The following CAMTA1 variants were observed in gnomAD, a reference collection of about 807,000 sequenced individuals.
CAMTA1 encodes calmodulin-binding transcription activator 1.
A neutral mutation model predicts 170.9 loss-of-function variants in CAMTA1; 27 were observed. That is an observed-to-expected ratio of 0.16 (90% CI 0.12 to 0.22). The LOEUF (loss-of-function observed/expected upper bound fraction) is 0.22. Among genes scored for constraint, CAMTA1 ranks in the 10% least tolerant of loss-of-function variants. CAMTA1 has a pLI of 1.00. For synonymous variants in CAMTA1, 833 were observed against 891.5 expected, an observed-to-expected ratio of 0.93 and a Z score of 1.17; for missense variants, 1,619 against 2,217.2, an observed-to-expected ratio of 0.73 and a Z score of 5.42.
chr1:6,825,979 G>C (rs914375346), intron 3 of CAMTA1, among the ~76,000 whole-genome samples: 3 of 152,132 alleles, frequency 2.0e-5, no homozygotes, highest in Non-Finnish European at 4.4e-5. Flanking sequence ...AGATGGCTGG[G>C]GTTGCTGGTT....
intron 4 of CAMTA1, among the ~76,000 whole-genome samples, chr1:7,143,832 T>G (rs1386730950): frequency 6.6e-6 from 1 of 152,256 alleles, no homozygotes; most frequent in Non-Finnish European, 1.5e-5. Flanking sequence ...TGAACGCATA[T>G]AAAGTCATAT....
At position 7,248,160 on chromosome 1, in the gene CAMTA1, C is replaced by T. The variant is rs908738341; in HGVS notation, c.303-1331C>T. Among the ~76,000 whole-genome samples, 3 of 152,088 alleles carry T rather than the reference C, an allele frequency of 2.0e-5. No individual in the cohort carries two copies. The highest frequency in any genetic ancestry group is 4.4e-5 in the Non-Finnish European group (3 of 68,014). ...CCCTGGTGGGACTGTTTTTTTCCCCCCAGACAATAGAATATGAAGCCATCA... is the reference window on the plus strand; with the variant it reads ...CCCTGGTGGGACTGTTTTTTTCCCCTCAGACAATAGAATATGAAGCCATCA... On this transcript the variant is annotated intron_variant, in intron 4 of 22. Coordinates refer to ENST00000303635, the MANE Select transcript of CAMTA1 (RefSeq NM_015215.4). The surrounding 1 kb of genome is among the most constrained non-coding windows in gnomAD (Gnocchi z 4.0).
intron 3 of CAMTA1, among the ~76,000 whole-genome samples, chr1:6,897,254 T>C (rs1675839648): frequency 6.6e-6 from 1 of 152,080 alleles, no homozygotes; most frequent in Non-Finnish European, 1.5e-5. Flanking sequence ...GGTGGGAAGA[T>C]GGGGGTGGAA....
chr1:7,558,783 A>G (rs2150239205), intron 6 of CAMTA1, among the ~76,000 whole-genome samples: 1 of 152,404 alleles, frequency 6.6e-6, no homozygotes, highest in East Asian at 1.9e-4. Context: ...CGAGGCTGTC[A>G]GAATTAAAGA....
chr1:7,745,465 A>G (rs1189033061), intron 17 of CAMTA1, among the ~76,000 whole-genome samples: 1 of 152,116 alleles, frequency 6.6e-6, no homozygotes, highest in Non-Finnish European at 1.5e-5. Context: ...GGCGGAGGTT[A>G]CAATCAGCTG....
rs1191763001 is a variant in CAMTA1, at chr1:6,887,612, A to G, written c.234+62402A>G. The G allele has an allele frequency of 6.5e-7, 1 of 1,530,274 alleles. No individual in the cohort carries two copies. The allele number at this position is 1,530,274 out of a possible 1,614,324, so 94.8% of individuals were successfully genotyped here. On this transcript the variant is annotated intron_variant, in intron 3 of 22. Transcript: ENST00000303635. This position sits in a 1 kb window ranked among gnomAD's most constrained non-coding sequence, Gnocchi z 4.1. Reference sequence around the variant, plus strand: ...TTTTTCTTCAGTTAAAAACAGAAATAGAAGCGACGGTTTTGACCCATTTTA... The same window carrying G: ...TTTTTCTTCAGTTAAAAACAGAAATGGAAGCGACGGTTTTGACCCATTTTA...
At chr1:7,487,868 G>A (rs575398401) in intron 6 of CAMTA1, among the ~76,000 whole-genome samples, 1 of 152,236 alleles carries the variant, frequency 6.6e-6, no homozygotes, top group South Asian at 2.1e-4. Context: ...TGTTTCTGCT[G>A]AGCCCCTCGG....
At position 7,041,936 on chromosome 1, in the gene CAMTA1, C is replaced by G. The variant is rs1704528605; in HGVS notation, c.235-49368C>G. On this transcript the variant is annotated intron_variant, in intron 3 of 22. Coordinates refer to ENST00000303635, the MANE Select transcript of CAMTA1 (RefSeq NM_015215.4). This position sits in a 1 kb window ranked among gnomAD's most constrained non-coding sequence, Gnocchi z 5.1. The stretch of plus-strand genomic sequence containing the variant: ...GTGCAGGGGTTAACGTCTGAATGCT[C>G]TGATCTGGAAGCTTCTAGAAGCTCC... Among the ~76,000 whole-genome samples the G allele has an allele frequency of 6.6e-6, 1 of 152,176 alleles. No individual in the cohort carries two copies. The highest frequency in any genetic ancestry group is 1.5e-5 in the Non-Finnish European group (1 of 68,028).
At chr1:7,497,722 G>A (rs2149750129) in intron 6 of CAMTA1, among the ~76,000 whole-genome samples, 1 of 152,340 alleles carries the variant, frequency 6.6e-6, no homozygotes, top group African/African-American at 2.4e-5. Context: ...TCAGGGCCCA[G>A]AAGAGAATAT....
At position 7,580,304 on chromosome 1, in the gene CAMTA1, G is replaced by A. The variant is rs2095248628; in HGVS notation, c.511-60096G>A. ...ATCTGGACCGTGGGAGCTGTTGGGG[G>A]GAATGGGGGCAGGTGGAGAAGAGGA... is the stretch of plus-strand genomic sequence containing the variant. On this transcript the variant is annotated intron_variant, in intron 6 of 22. Transcript: ENST00000303635. This position sits in a 1 kb window ranked among gnomAD's most constrained non-coding sequence, Gnocchi z 4.3. Among the ~76,000 whole-genome samples, 1 of 152,158 alleles carries A rather than the reference G, an allele frequency of 6.6e-6. No individual in the cohort carries two copies. Among genetic ancestry groups the A allele is most frequent in the African/African-American group, 2.4e-5 (1 of 41,410 alleles).
intron 4 of CAMTA1, among the ~76,000 whole-genome samples, chr1:7,142,723 A>T (rs1484973683): frequency 6.6e-6 from 1 of 152,190 alleles, no homozygotes; most frequent in Non-Finnish European, 1.5e-5. Context: ...AGCATTCATC[A>T]TGAATGGGAG....
At chr1:7,000,980 C>T (rs1022682621) in intron 3 of CAMTA1, among the ~76,000 whole-genome samples, 4 of 152,112 alleles carry the variant, frequency 2.6e-5, no homozygotes, top group Admixed American at 6.6e-5. Flanking sequence ...GTTCCCACAC[C>T]GATAGGAAAA....
intron 5 of CAMTA1, among the ~76,000 whole-genome samples, chr1:7,330,788 C>G (rs1458441393): frequency 6.6e-6 from 1 of 152,154 alleles, no homozygotes; most frequent in East Asian, 1.9e-4. Flanking sequence ...CTCTTTGATG[C>G]AGGGAATGGA....
chr1:7,572,652 G>A (rs968428707), intron 6 of CAMTA1, among the ~76,000 whole-genome samples: 3 of 152,130 alleles, frequency 2.0e-5, no homozygotes, highest in East Asian at 3.9e-4. Context: ...ATGGTTGTAG[G>A]TGTGAGGCAT....
At chr1:7,663,166 G>C (rs1393508903) in intron 8 of CAMTA1, among the ~76,000 whole-genome samples, 187 bp from the exon 9 acceptor site, 2 of 152,224 alleles carry the variant, frequency 1.3e-5, no homozygotes, top group Non-Finnish European at 2.9e-5. Context: ...CCGGGCTTGG[G>C]GTACGTGTCC....
At position 7,381,125 on chromosome 1, in the gene CAMTA1, G is replaced by A. The variant is rs886115504; in HGVS notation, c.439-86705G>A. On this transcript the variant is annotated intron_variant, in intron 5 of 22. Transcript: ENST00000303635. Reference sequence around the variant, plus strand: ...TAATAGCGGTGACTTAAATAAGACGGTTTGATTTTTCTTTTTTTTATTTTT... The same window carrying A: ...TAATAGCGGTGACTTAAATAAGACGATTTGATTTTTCTTTTTTTTATTTTT... Among the ~76,000 whole-genome samples the A allele has an allele frequency of 2.0e-5, 3 of 151,772 alleles. No homozygotes were observed. The East Asian group carries it at 5.8e-4, about 29-fold the overall frequency.
chr1:7,372,557 T>G (rs1280639025), intron 5 of CAMTA1, among the ~76,000 whole-genome samples: 1 of 152,208 alleles, frequency 6.6e-6, no homozygotes, highest in African/African-American at 2.4e-5. Flanking sequence ...GCATCTCGCG[T>G]TATTACGTAG....
In CAMTA1 at chr1:7,065,274, C is replaced by T. The variant is rs1708816142; in HGVS notation, c.235-26030C>T. 6.6e-6 allele frequency among the ~76,000 whole-genome samples: 1 copy of T among 151,978 alleles called. No homozygotes were observed. The highest frequency in any genetic ancestry group is 1.5e-5 in the Non-Finnish European group (1 of 68,006). On this transcript the variant is annotated intron_variant, in intron 3 of 22. Transcript: ENST00000303635. This position sits in a 1 kb window ranked among gnomAD's most constrained non-coding sequence, Gnocchi z 5.2. ...TGATGGGGCAGAGGAGAAGGGGGAA[C>T]CAGTTGTTGCAGGAAGATGGACAGC...
At chr1:7,030,620 C>A (rs934489059) in intron 3 of CAMTA1, among the ~76,000 whole-genome samples, 1 of 152,166 alleles carries the variant, frequency 6.6e-6, no homozygotes, top group Non-Finnish European at 1.5e-5. Flanking sequence ...TAATTTAATT[C>A]CATTGTAGTC....
Sources: gnomAD v4.1 joint callset for allele counts (sites outside exome capture counted in the v4.1 genomes callset) on GRCh38, gnomAD v4.1.1 for gene constraint, Gnocchi (gnomAD v3.1) non-coding constraint, MANE v1.5 for transcripts, NCBI Gene and HGNC (gene_info 2026-07-23, HGNC 2026-07-21) for gene names.